The following AGBL4 variants were observed in gnomAD, a reference collection of about 807,000 sequenced individuals.
The protein encoded by AGBL4 is cytosolic carboxypeptidase 6.
Under a neutral mutation model 66.4 loss-of-function variants are expected in AGBL4, and 58 were observed. The ratio of observed to expected loss-of-function variants is 0.87; its 90% CI spans 0.71 to 1.09. The LOEUF (loss-of-function observed/expected upper bound fraction) is 1.09, where lower values mean the gene tolerates loss of function less well. AGBL4 is among the 50% of genes least tolerant of loss of function. The probability of loss-of-function intolerance (pLI) is 0.00; values close to 1 mark genes in which losing one functional copy is unlikely to be tolerated. For synonymous variants in AGBL4, 234 were observed against 222.9 expected, an observed-to-expected ratio of 1.05 and a Z score of -0.44; for missense variants, 579 against 631.0, an observed-to-expected ratio of 0.92 and a Z score of 0.88.
intron 3 of AGBL4, among the ~76,000 whole-genome samples, chr1:49,611,468 T>C (rs1645153649): frequency 6.7e-6 from 1 of 148,496 alleles, no homozygotes; most frequent in Admixed American, 7.0e-5. Flanking sequence ...CTCTGCCTCC[T>C]GGGTTCAAGC....
At chr1:49,242,511 G>T (rs1024472018) in intron 4 of AGBL4, among the ~76,000 whole-genome samples, 1 of 151,966 alleles carries the variant, frequency 6.6e-6, no homozygotes, top group Non-Finnish European at 1.5e-5. Flanking sequence ...TTTCTGCAGA[G>T]GTGAAGATAC....
chr1:48,797,961 A>G (rs1014615320), intron 6 of AGBL4, among the ~76,000 whole-genome samples: 1 of 152,182 alleles, frequency 6.6e-6, no homozygotes, highest in African/African-American at 2.4e-5. Flanking sequence ...TCTTTTTCAT[A>G]TAATGAGTTC....
intron 3 of AGBL4, among the ~76,000 whole-genome samples, chr1:49,259,941 G>T (rs1313409006): frequency 7.3e-6 from 1 of 137,914 alleles, no homozygotes; most frequent in Non-Finnish European, 1.6e-5. Flanking sequence ...AAAGAACAGA[G>T]ATTATAACAA....
At chr1:49,177,399 CA>C (rs1199970834) in intron 4 of AGBL4, among the ~76,000 whole-genome samples, 1 of 152,162 alleles carries the variant, frequency 6.6e-6, no homozygotes, top group Non-Finnish European at 1.5e-5. Flanking sequence ...TCATAATCCC[CA>C]AGGAACAATA....
chr1:49,804,277 T>C (rs1482110185), intron 2 of AGBL4, among the ~76,000 whole-genome samples: 1 of 152,198 alleles, frequency 6.6e-6, no homozygotes, highest in Non-Finnish European at 1.5e-5. Context: ...ACAAAACTTA[T>C]GCACGGACCT....
Position 48,576,436 on chromosome 1 carries a change from T to C in AGBL4, c.1267+10568A>G, listed in dbSNP as rs566482747. Among the ~76,000 whole-genome samples, 29 of 152,296 alleles carry C rather than the reference T, an allele frequency of 1.9e-4. 1 individual carries two copies. In the South Asian group the frequency reaches 6.0e-3, roughly 32 times the overall value. On this transcript the variant is annotated intron_variant, in intron 11 of 13. Transcript: ENST00000371839. ...TTTAGAGATTTGACCAAAGCATATATGTAGCCCCTAAATGTCTTCTTGCCA... is the reference window on the plus strand; with the variant it reads ...TTTAGAGATTTGACCAAAGCATATACGTAGCCCCTAAATGTCTTCTTGCCA...
In AGBL4 at chr1:49,856,476, C is replaced by G. The variant is rs190646804; in HGVS notation, c.35-4958G>C. 1.6e-3 allele frequency among the ~76,000 whole-genome samples: 238 copies of G among 152,100 alleles called. 1 individual carries two copies. Among genetic ancestry groups the G allele is most frequent in the African/African-American group, 4.9e-3 (203 of 41,516 alleles). ...TAATGAACATAGAATCAAAAATTAT[C>G]AACAAAATATTAGCTAACTGAATCC... is the stretch of plus-strand genomic sequence containing the variant. On this transcript the variant is annotated intron_variant, in intron 1 of 13. Coordinates refer to ENST00000371839, the MANE Select transcript of AGBL4 (RefSeq NM_032785.4).
chr1:49,387,286 A>G (rs1174882332), intron 3 of AGBL4, among the ~76,000 whole-genome samples: 1 of 151,976 alleles, frequency 6.6e-6, no homozygotes. Flanking sequence ...AATGAGGTAT[A>G]CATTACACCA....
chr1:49,770,173 C>T (rs758089234), intron 2 of AGBL4, among the ~76,000 whole-genome samples: 9 of 152,134 alleles, frequency 5.9e-5, no homozygotes, highest in Non-Finnish European at 8.8e-5. Flanking sequence ...ATCTGTATGG[C>T]CGTTATCGTG....
chr1:49,354,875 G>A (rs1015577524), intron 3 of AGBL4, among the ~76,000 whole-genome samples: 4 of 152,156 alleles, frequency 2.6e-5, no homozygotes, highest in African/African-American at 7.2e-5. Context: ...GCTTATTCCA[G>A]TTCAGGGTAG....
chr1:49,943,851 A>C (rs978338049), intron 1 of AGBL4, among the ~76,000 whole-genome samples: 21 of 152,066 alleles, frequency 1.4e-4, no homozygotes, highest in African/African-American at 5.1e-4. Context: ...TGAAAGCCCT[A>C]CTTGCTTTCA....
chr1:48,668,902 G>C (rs998591534), intron 6 of AGBL4, among the ~76,000 whole-genome samples: 10 of 152,190 alleles, frequency 6.6e-5, no homozygotes, highest in African/African-American at 2.4e-4. Context: ...GAGCTTTCCT[G>C]GAGGCAGCGG....
chr1:49,588,202 GT>G (rs1447560750), intron 3 of AGBL4, among the ~76,000 whole-genome samples: 1 of 152,130 alleles, frequency 6.6e-6, no homozygotes, highest in Non-Finnish European at 1.5e-5. Flanking sequence ...CAAAATCTTA[GT>G]TTCTCATGGC....
chr1:49,396,565 T>C (rs1644979981), intron 3 of AGBL4, among the ~76,000 whole-genome samples: 1 of 152,152 alleles, frequency 6.6e-6, no homozygotes. Flanking sequence ...TAAATGACAT[T>C]CAACATGTAA....
chr1:49,628,186 G>A (rs1645500805), intron 3 of AGBL4, among the ~76,000 whole-genome samples: 1 of 152,000 alleles, frequency 6.6e-6, no homozygotes, highest in Admixed American at 6.6e-5. Context: ...AAATCTCTGT[G>A]GCCTATGTAG....
chr1:49,609,094 G>A (rs1194953991), intron 3 of AGBL4, among the ~76,000 whole-genome samples: 1 of 152,164 alleles, frequency 6.6e-6, no homozygotes, highest in African/African-American at 2.4e-5. Flanking sequence ...TTCATTAAGT[G>A]TTTCTGTATT....
At chr1:49,432,120 G>A (rs1043146082) in intron 3 of AGBL4, among the ~76,000 whole-genome samples, 1 of 152,086 alleles carries the variant, frequency 6.6e-6, no homozygotes, top group African/African-American at 2.4e-5. Flanking sequence ...TTTAGCAGGA[G>A]ACAAGATAAG....
chr1:49,657,581 A>G (rs974612714), intron 3 of AGBL4, among the ~76,000 whole-genome samples: 2 of 152,188 alleles, frequency 1.3e-5, no homozygotes, highest in Admixed American at 6.5e-5. Context: ...CAAAGCTGGA[A>G]GCATCATGCT....
intron 6 of AGBL4, among the ~76,000 whole-genome samples, chr1:48,737,309 GA>G (rs750040680): frequency 6.6e-6 from 1 of 151,370 alleles, no homozygotes; most frequent in African/African-American, 2.4e-5. Flanking sequence ...AAAAAGAAAA[GA>G]AAAAAAAATC....
Sources: gnomAD v4.1 joint callset for allele counts (sites outside exome capture counted in the v4.1 genomes callset) on GRCh38, gnomAD v4.1.1 for gene constraint, MANE v1.5 for transcripts, NCBI Gene and HGNC (gene_info 2026-07-23, HGNC 2026-07-21) for gene names.